C16orf74: variants seen among roughly 807,000 people sequenced by gnomAD.
C16orf74 encodes uncharacterized protein C16orf74.
A neutral mutation model predicts 6.5 loss-of-function variants in C16orf74; 10 were observed. The ratio of observed to expected loss-of-function variants is 1.54; its 90% CI spans 0.95 to 2.61. The LOEUF is 2.61. Among genes scored for constraint, C16orf74 ranks in the 30% most tolerant of loss-of-function variants. C16orf74 has a pLI of 0.00. For synonymous variants in C16orf74, 60 were observed against 42.5 expected (o/e 1.41, Z -1.60); for missense variants, 141 against 105.9 (o/e 1.33, Z -1.45).
chr16:85,740,843 A>AG (rs1276855371), intron 1 of C16orf74, among the ~76,000 whole-genome samples: 1 of 151,210 alleles, frequency 6.6e-6, no homozygotes, highest in African/African-American at 2.4e-5. Context: ...AAAAAAAAAA[A>AG]AAAGAAAGAA....
At chr16:85,742,619 G>T (rs1042545703) in intron 1 of C16orf74, among the ~76,000 whole-genome samples, 15 of 151,820 alleles carry the variant, frequency 9.9e-5, no homozygotes, top group African/African-American at 3.4e-4. Flanking sequence ...TCGGCTCACT[G>T]CAACCTCCGC....
At chr16:85,714,951 T>C (rs567350315) in intron 2 of C16orf74, among the ~76,000 whole-genome samples, 2 of 149,232 alleles carry the variant, frequency 1.3e-5, no homozygotes, top group Admixed American at 1.3e-4. Context: ...GGTCAGGAGA[T>C]CGAGACCATC....
intron 2 of C16orf74, 23 bp downstream of exon 2, chr16:85,735,167 G>C (rs745681264): frequency 1.1e-5 from 18 of 1,596,200 alleles, no homozygotes; most frequent in Admixed American, 1.7e-5. Flanking sequence ...GAGAGCTGGT[G>C]GGGGCAGAGC....
intron 1 of C16orf74, among the ~76,000 whole-genome samples, chr16:85,737,122 G>A (rs1338446389): frequency 1.3e-5 from 2 of 152,152 alleles, no homozygotes; most frequent in Non-Finnish European, 2.9e-5. Context: ...GTGGGGAAGT[G>A]ATCTGTGCTG....
intron 1 of C16orf74, among the ~76,000 whole-genome samples, chr16:85,742,909 C>A (rs1280964322): frequency 6.6e-6 from 1 of 152,194 alleles, no homozygotes; most frequent in Non-Finnish European, 1.5e-5. Flanking sequence ...TGGACTAAGA[C>A]AGGTGTCACC....
chr16:85,710,410 C>T (rs2053958161), intron 2 of C16orf74, 103 bp from the exon 3 acceptor site: 2 of 1,190,758 alleles, frequency 1.7e-6, no homozygotes, highest in African/African-American at 1.6e-5. Context: ...TCACTATCAC[C>T]TGGGTCCTGA....
chr16:85,741,275 T>G (rs2054304436), intron 1 of C16orf74, among the ~76,000 whole-genome samples: 1 of 152,208 alleles, frequency 6.6e-6, no homozygotes, highest in African/African-American at 2.4e-5. Context: ...GGATCTGTAT[T>G]ATGCCGTGCC....
chr16:85,744,130 A>T (rs1266984280), intron 1 of C16orf74: 2 of 148,198 alleles, frequency 1.3e-5, no homozygotes, highest in Non-Finnish European at 3.0e-5. Context: ...GAGGCTGAGG[A>T]AGGAGAATTG....
At chr16:85,736,873 A>G (rs750893561) in intron 1 of C16orf74, among the ~76,000 whole-genome samples, 2 of 152,050 alleles carry the variant, frequency 1.3e-5, no homozygotes, top group East Asian at 3.9e-4. Context: ...GTGAAACCCC[A>G]TCTCTACTAA....
intron 2 of C16orf74, among the ~76,000 whole-genome samples, chr16:85,734,241 AG>A (rs2054220556): frequency 1.3e-5 from 2 of 152,216 alleles, no homozygotes; most frequent in African/African-American, 4.8e-5. Flanking sequence ...AGAGTGTTCC[AG>A]GCCCTGCTCT....
intron 1 of C16orf74, among the ~76,000 whole-genome samples, chr16:85,735,994 C>T (rs2054240447): frequency 6.6e-6 from 1 of 152,168 alleles, no homozygotes; most frequent in Admixed American, 6.5e-5. Context: ...AGGCTACCAG[C>T]TTACTAGGGA....
At chr16:85,740,827 C>CAAAAAA (rs57813380) in intron 1 of C16orf74, among the ~76,000 whole-genome samples, 2,797 of 97,776 alleles carry the variant, frequency 0.029, 332 homozygotes, top group Admixed American at 0.12. Context: ...GTGAGACCCT[C>CAAAAAA]AAAAAAAAAA....
At chr16:85,709,075 G>C (rs1336972551) in intron 3 of C16orf74, among the ~76,000 whole-genome samples, 1 of 152,206 alleles carries the variant, frequency 6.6e-6, no homozygotes, top group Admixed American at 6.5e-5. Flanking sequence ...TGTCTAAAAT[G>C]GGGGTGTGGT....
At chr16:85,738,904 A>G (rs960793909) in intron 1 of C16orf74, among the ~76,000 whole-genome samples, 7 of 152,174 alleles carry the variant, frequency 4.6e-5, no homozygotes, top group East Asian at 1.9e-4. Context: ...AAACAGGCAC[A>G]GAGAAATTAG....
At chr16:85,725,724 C>T (rs2152061547) in intron 2 of C16orf74, among the ~76,000 whole-genome samples, 1 of 152,270 alleles carries the variant, frequency 6.6e-6, no homozygotes, top group East Asian at 1.9e-4. Context: ...ACACCTCAGC[C>T]TCCTGAGTAG....
intron 3 of C16orf74, among the ~76,000 whole-genome samples, chr16:85,708,647 T>C (rs2053936944): frequency 6.6e-6 from 1 of 152,246 alleles, no homozygotes; most frequent in South Asian, 2.1e-4. Flanking sequence ...GCATTTAGCC[T>C]GGTGCCAGGC....
intron 2 of C16orf74, among the ~76,000 whole-genome samples, chr16:85,734,902 C>A (rs557348001): frequency 1.3e-5 from 2 of 152,302 alleles, no homozygotes; most frequent in East Asian, 3.9e-4. Flanking sequence ...AAGGCCTCCT[C>A]CTCCCTCACT....
intron 2 of C16orf74, among the ~76,000 whole-genome samples, chr16:85,732,958 C>T (rs1033545513): frequency 1.3e-5 from 2 of 152,148 alleles, no homozygotes; most frequent in East Asian, 1.9e-4. Flanking sequence ...TGCTTTCACT[C>T]GTGAGGGGCC....
chr16:85,745,847 G>T (rs1436719803), intron 1 of C16orf74, among the ~76,000 whole-genome samples: 1 of 152,210 alleles, frequency 6.6e-6, no homozygotes, highest in African/African-American at 2.4e-5. Flanking sequence ...TTCAAAGTGG[G>T]CTCCAACGTT....
Sources: allele counts gnomAD v4.1 joint callset (sites outside exome capture counted in the v4.1 genomes callset), GRCh38; gene constraint gnomAD v4.1.1; transcripts MANE v1.5; gene names NCBI Gene and HGNC (gene_info 2026-07-23, HGNC 2026-07-21).